The following CUBN variants were observed in gnomAD, a reference collection of about 807,000 sequenced individuals.
CUBN encodes the protein 460 kDa receptor.
A neutral mutation model predicts 405.3 loss-of-function variants in CUBN; 282 were observed. The observed-to-expected ratio is 0.70, with a 90% confidence interval of 0.63 to 0.77. The LOEUF (loss-of-function observed/expected upper bound fraction) is 0.77. Ranked by LOEUF, CUBN falls within the 30% of genes least tolerant of loss-of-function variation. CUBN has a pLI of 0.00. For missense variants in CUBN, 4,514 were observed against 4,475.2 expected (o/e 1.01, Z -0.25); for synonymous variants, 1,684 against 1,617.0 (o/e 1.04, Z -0.99).
At chr10:17,104,812 A>ATTT (rs10556050) in intron 11 of CUBN, among the ~76,000 whole-genome samples, 1 of 138,626 alleles carries the variant, frequency 7.2e-6, no homozygotes, top group African/African-American at 2.6e-5. Context: ...TATATATATA[A>ATTT]TTTTTTTTTT....
rs971433130 is a variant in CUBN at position 16,918,947 on chromosome 10, C to T, written c.6822-147G>A. 8 of 767,576 alleles carry T rather than the reference C, an allele frequency of 1.0e-5. No individual in the cohort carries two copies. The African/African-American group carries it at 1.4e-4, about 13-fold the overall frequency. The allele number at this position is 767,576 out of a possible 1,614,324, so 47.5% of individuals were successfully genotyped here. On this transcript the variant is annotated intron_variant, in intron 44 of 66. Transcript: ENST00000377833. ...GATAGAATCAGCATAAGCCATGTCACTTTAAAATGCTGTATGATATTTTTC... is the reference window on the plus strand; with the variant it reads ...GATAGAATCAGCATAAGCCATGTCATTTTAAAATGCTGTATGATATTTTTC...
At chr10:16,929,013 A>G (rs909105493) in intron 40 of CUBN, among the ~76,000 whole-genome samples, 1 of 143,328 alleles carries the variant, frequency 7.0e-6, no homozygotes. Context: ...AAAAAAAAAA[A>G]CAGTTGGCTC....
Position 16,920,022 on chromosome 10 carries a change from T to C in CUBN, c.6762A>G (p.Pro2254=), listed in dbSNP as rs1338404406. The C allele has an allele frequency of 1.2e-6, 2 of 1,613,994 alleles. No homozygotes were observed. Among genetic ancestry groups the C allele is most frequent in the Middle Eastern group, 1.7e-4 (1 of 6,026 alleles). Reference sequence around the variant, plus strand: ...ATTGCAGCTGTATGCGTGTTTCCGGTGGAGCCGCTAAGATCCAAATGCAAT... The same window carrying C: ...ATTGCAGCTGTATGCGTGTTTCCGGCGGAGCCGCTAAGATCCAAATGCAAT... ...HADCIWILAA[P]PETRIQLQFE... is the part of the protein sequence containing the mutation. Residue 2254 remains proline (P), a synonymous_variant, in exon 44 of 67, where the codon CCA becomes CCG. Coordinates refer to ENST00000377833, the MANE Select transcript of CUBN (RefSeq NM_001081.4).
intron 59 of CUBN, among the ~76,000 whole-genome samples, chr10:16,860,508 A>G (rs1343149953): frequency 1.3e-5 from 2 of 152,228 alleles, no homozygotes. Flanking sequence ...TCCAGCCAAG[A>G]TGTTTCTACT....
intron 43 of CUBN, among the ~76,000 whole-genome samples, chr10:16,922,415 A>G (rs930543160): frequency 3.3e-5 from 5 of 152,068 alleles, no homozygotes; most frequent in Admixed American, 6.6e-5. Flanking sequence ...TTACTCTTTC[A>G]TCTGGTCTCT....
intron 60 of CUBN, among the ~76,000 whole-genome samples, chr10:16,845,626 C>T (rs1839486736): frequency 1.3e-5 from 2 of 152,214 alleles, no homozygotes; most frequent in South Asian, 2.1e-4. Flanking sequence ...TCTAAAATCT[C>T]AATGTTCTTC....
chr10:17,054,444 A>G (rs1415415145), intron 22 of CUBN, among the ~76,000 whole-genome samples: 2 of 152,096 alleles, frequency 1.3e-5, no homozygotes, highest in East Asian at 3.8e-4. Flanking sequence ...AAGCTAACTA[A>G]GGCAAGAATT....
chr10:17,124,474 G>A (rs1200980393), intron 4 of CUBN, among the ~76,000 whole-genome samples: 2 of 151,388 alleles, frequency 1.3e-5, no homozygotes, highest in African/African-American at 4.9e-5. Context: ...TGTCGCCCAG[G>A]CTGGAGTGCA....
intron 27 of CUBN, among the ~76,000 whole-genome samples, chr10:17,022,249 T>C (rs554938996): frequency 6.6e-6 from 1 of 152,268 alleles, no homozygotes; most frequent in African/African-American, 2.4e-5. Flanking sequence ...TCATCATAAG[T>C]GCTTGTGAGA....
intron 54 of CUBN, among the ~76,000 whole-genome samples, chr10:16,898,066 G>GTGTATATATATATATATATATA (rs1554789718): frequency 6.9e-6 from 1 of 145,032 alleles, no homozygotes; most frequent in African/African-American, 2.5e-5. Context: ...TTTATTATAT[G>GTGTATATATATATATATATATA]TATATATATA....
At chr10:17,019,748 T>C in intron 28 of CUBN, 85 bp downstream of exon 28, 1 of 1,510,460 alleles carries the variant, frequency 6.6e-7, no homozygotes, top group Non-Finnish European at 9.2e-7. Flanking sequence ...GTTCATGGTA[T>C]TGTTTCTAAG....
chr10:17,047,730 C>T, intron 22 of CUBN, 127 bp from the exon 23 acceptor site: 1 of 812,572 alleles, frequency 1.2e-6, no homozygotes, highest in South Asian at 1.7e-5. Context: ...CTGGAATGTG[C>T]AAATAAAGAC....
intron 45 of CUBN, 112 bp from the exon 46 acceptor site, chr10:16,916,142 G>A: frequency 3.1e-6 from 3 of 956,088 alleles, no homozygotes; most frequent in Non-Finnish European, 3.2e-6. Flanking sequence ...AAACTTTTAG[G>A]TGCCAAGTGA....
chr10:16,900,502 G>A lies in CUBN; in HGVS notation c.8410+123C>T, dbSNP rs1841325950. 3 of 792,344 alleles carry A rather than the reference G, an allele frequency of 3.8e-6. No homozygotes were observed. The East Asian group carries it at 7.8e-5, about 21-fold the overall frequency. 49.1% of individuals were successfully genotyped at this position (792,344 alleles called of 1,614,324 possible). Reference sequence around the variant, plus strand: ...TGTTATCCCACCAGGGTTGCTGCATGAGATGACATGTGCAAATATTTAGAA... The same window carrying A: ...TGTTATCCCACCAGGGTTGCTGCATAAGATGACATGTGCAAATATTTAGAA... On this transcript the variant is annotated intron_variant, in intron 53 of 66. Coordinates refer to ENST00000377833, the MANE Select transcript of CUBN (RefSeq NM_001081.4).
chr10:16,969,479 C>A (rs542606650), intron 31 of CUBN, among the ~76,000 whole-genome samples: 2 of 152,194 alleles, frequency 1.3e-5, no homozygotes, highest in East Asian at 3.9e-4. Flanking sequence ...CTTAGCCTCC[C>A]GAGTAGCTGG....
intron 57 of CUBN, 24 bp from the exon 58 acceptor site, chr10:16,874,527 T>C (rs1840447101): frequency 1.9e-6 from 3 of 1,613,958 alleles, no homozygotes; most frequent in East Asian, 2.2e-5. Flanking sequence ...CAAGGGAATA[T>C]GAAGAGAACA....
chr10:17,117,839 C>T (rs1378267687), intron 6 of CUBN, among the ~76,000 whole-genome samples: 2 of 152,182 alleles, frequency 1.3e-5, no homozygotes, highest in African/African-American at 2.4e-5. Flanking sequence ...TTTGGTCCTT[C>T]CTGTTAACTG....
intron 28 of CUBN, among the ~76,000 whole-genome samples, chr10:16,994,651 G>A (rs539760998): frequency 3.3e-5 from 5 of 152,246 alleles, no homozygotes; most frequent in South Asian, 2.1e-4. Flanking sequence ...CATCCTTGTC[G>A]TCATCCGGTT....
chr10:17,104,367 G>A, intron 12 of CUBN, 52 bp downstream of exon 12: 1 of 1,561,322 alleles, frequency 6.4e-7, no homozygotes, highest in African/African-American at 1.4e-5. Context: ...CTCACTAAAG[G>A]ATGCTGCTGC....
Sources: gnomAD v4.1 joint callset for allele counts (sites outside exome capture counted in the v4.1 genomes callset) on GRCh38, gnomAD v4.1.1 for gene constraint, MANE v1.5 for transcripts, NCBI Gene and HGNC (gene_info 2026-07-23, HGNC 2026-07-21) for gene names.